The following TRAM2 variants were observed in gnomAD, a reference collection of about 807,000 sequenced individuals.
The protein encoded by TRAM2 is translocating chain-associated membrane protein 2.
TRAM2 carries 12 observed loss-of-function variants against 51.0 expected under a neutral mutation model. That is an observed-to-expected ratio of 0.24 (90% confidence interval 0.15 to 0.38). The LOEUF (loss-of-function observed/expected upper bound fraction) is 0.38, where lower values mean the gene tolerates loss of function less well. TRAM2 is among the 10% of genes least tolerant of loss of function. TRAM2 has a pLI of 1.00. For missense variants in TRAM2, 361 were observed against 462.0 expected (o/e 0.78, Z 2.00); for synonymous variants, 175 against 179.4 (o/e 0.98, Z 0.20).
At position 52,504,629 on chromosome 6, in the gene TRAM2, G is replaced by T; in HGVS notation, c.1001C>A (p.Thr334Lys). The T allele has an allele frequency of 1.2e-6, 2 of 1,614,152 alleles. No homozygotes were observed. Among genetic ancestry groups the T allele is most frequent in the Non-Finnish European group, 1.7e-6 (2 of 1,180,042 alleles). ...GATGAGCCTGGCTGGTAGTCTGGGT[G>T]TGGCTGGGACTCTCCGCTTTGCACT... ...EQSAKRRVPA[T>K]PRLPARLIKR... The change falls in exon 10 of 11, where the codon ACA (threonine) becomes AAA (lysine). Residue 334 changes from threonine to lysine, a missense_variant. Coordinates refer to ENST00000182527, the MANE Select transcript of TRAM2 (RefSeq NM_012288.4).
intron 2 of TRAM2, among the ~76,000 whole-genome samples, chr6:52,529,221 G>A (rs1178057412): frequency 6.6e-6 from 1 of 152,146 alleles, no homozygotes; most frequent in East Asian, 1.9e-4. Flanking sequence ...TTAGGAAGCT[G>A]TATAGCACCA....
At chr6:52,524,056 CAG>C (rs1216765419) in intron 2 of TRAM2, 3 of 152,148 alleles carry the variant, frequency 2.0e-5, no homozygotes, top group Non-Finnish European at 4.4e-5. Context: ...TTAAAAACAT[CAG>C]AGAGAAATGA....
intron 6 of TRAM2, among the ~76,000 whole-genome samples, chr6:52,507,921 C>T (rs1287438531): frequency 6.6e-6 from 1 of 152,038 alleles, no homozygotes; most frequent in Non-Finnish European, 1.5e-5. Flanking sequence ...CAGAAGGAAA[C>T]TATAAAAAGT....
rs1451771619 is a variant in TRAM2 at position 52,498,362 on chromosome 6, C to T, written c.*4835G>A. The T allele has an allele frequency of 1.3e-5, 2 of 152,650 alleles. No individual in the cohort carries two copies. The highest frequency in any genetic ancestry group is 3.9e-4 in the East Asian group (2 of 5,180). 9.5% of individuals were successfully genotyped at this position (152,650 alleles called of 1,614,324 possible). ...TGAATTAGGAGCTCGAACAGTTCTG[C>T]AACAGTCAGACATGTATGTGTTTAT... On this transcript the variant is annotated 3_prime_UTR_variant, in exon 11 of 11. Transcript: ENST00000182527.
intron 1 of TRAM2, among the ~76,000 whole-genome samples, chr6:52,571,427 T>A (rs1767678907): frequency 6.6e-6 from 1 of 152,236 alleles, no homozygotes; most frequent in Non-Finnish European, 1.5e-5. Flanking sequence ...CACTCTGTTG[T>A]GACCGGTCCG....
At chr6:52,528,044 C>A (rs1766815906) in intron 2 of TRAM2, among the ~76,000 whole-genome samples, 1 of 152,168 alleles carries the variant, frequency 6.6e-6, no homozygotes, top group Non-Finnish European at 1.5e-5. Flanking sequence ...GGCTGTTTGG[C>A]TCAACAGGGC....
At chr6:52,570,176 C>T (rs538880193) in intron 1 of TRAM2, among the ~76,000 whole-genome samples, 1 of 152,320 alleles carries the variant, frequency 6.6e-6, no homozygotes, top group Non-Finnish European at 1.5e-5. Context: ...AAAAATATAA[C>T]AGCCAGAGTC....
intron 1 of TRAM2, among the ~76,000 whole-genome samples, chr6:52,552,302 G>A (rs2076638): frequency 0.098 from 14,950 of 152,296 alleles, 1,334 homozygotes; most frequent in East Asian, 0.49. Context: ...TCACTACCCC[G>A]AGGAGGCAAC....
chr6:52,550,517 C>T (rs560080757), intron 1 of TRAM2, among the ~76,000 whole-genome samples: 4 of 152,180 alleles, frequency 2.6e-5, no homozygotes, highest in South Asian at 2.1e-4. Flanking sequence ...ACCTCATCAA[C>T]GTAACTGCTG....
At chr6:52,567,953 T>C (rs1767615325) in intron 1 of TRAM2, among the ~76,000 whole-genome samples, 2 of 152,226 alleles carry the variant, frequency 1.3e-5, no homozygotes, top group South Asian at 2.1e-4. Context: ...GCCTCTCTCC[T>C]TCTCCTCCCA....
In TRAM2 at chr6:52,504,840, G is replaced by C. The variant is rs1766316567; in HGVS notation, c.876-86C>G. The C allele has an allele frequency of 8.4e-6, 11 of 1,308,552 alleles. No individual in the cohort carries two copies. The East Asian group carries it at 2.8e-4, about 33-fold the overall frequency. 81.1% of individuals were successfully genotyped at this position (1,308,552 alleles called of 1,614,324 possible). Reference sequence around the variant, plus strand: ...TGTGCAGGGGAGAACAAGGGCCAGGGGCCCTGCAGTTCCCATGGCTTATCA... The same window carrying C: ...TGTGCAGGGGAGAACAAGGGCCAGGCGCCCTGCAGTTCCCATGGCTTATCA... On this transcript the variant is annotated intron_variant, in intron 9 of 10. Coordinates refer to ENST00000182527, the MANE Select transcript of TRAM2 (RefSeq NM_012288.4).
chr6:52,547,795 T>A (rs1022307369), intron 1 of TRAM2, among the ~76,000 whole-genome samples: 1 of 152,218 alleles, frequency 6.6e-6, no homozygotes, highest in African/African-American at 2.4e-5. Context: ...TCAGCCTTTA[T>A]TGCGTCGGCT....
At chr6:52,556,449 T>C (rs139157187) in intron 1 of TRAM2, among the ~76,000 whole-genome samples, 3,049 of 151,894 alleles carry the variant, frequency 0.02, 36 homozygotes, top group Admixed American at 0.036. Flanking sequence ...CCCAGCTAAT[T>C]TGTTGTATTT....
At chr6:52,548,161 T>G (rs1767243878) in intron 1 of TRAM2, among the ~76,000 whole-genome samples, 1 of 152,252 alleles carries the variant, frequency 6.6e-6, no homozygotes. Flanking sequence ...CAAGGCACAA[T>G]GCTACTGGAG....
intron 1 of TRAM2, among the ~76,000 whole-genome samples, chr6:52,550,481 A>C (rs1295210259): frequency 6.6e-6 from 1 of 152,212 alleles, no homozygotes; most frequent in Non-Finnish European, 1.5e-5. Context: ...AAATAAAAGA[A>C]TACTAACACC....
At chr6:52,505,541 G>T in intron 9 of TRAM2, 58 bp downstream of exon 9, 1 of 1,538,218 alleles carries the variant, frequency 6.5e-7, no homozygotes, top group African/African-American at 1.4e-5. Flanking sequence ...TTCTGCAAGG[G>T]CTGTGCCAAG....
chr6:52,567,224 G>C (rs915346697), intron 1 of TRAM2, among the ~76,000 whole-genome samples: 3 of 152,212 alleles, frequency 2.0e-5, no homozygotes, highest in African/African-American at 4.8e-5. Flanking sequence ...TAAAGGCGTG[G>C]TAAGTGGTCA....
intron 1 of TRAM2, among the ~76,000 whole-genome samples, chr6:52,538,897 G>T (rs546221768): frequency 4.6e-5 from 7 of 152,156 alleles, no homozygotes; most frequent in African/African-American, 1.7e-4. Context: ...CCTTGTTCCT[G>T]GGAGAAATAC....
chr6:52,561,178 C>T (rs1450075705), intron 1 of TRAM2, among the ~76,000 whole-genome samples: 4 of 152,164 alleles, frequency 2.6e-5, no homozygotes, highest in South Asian at 4.1e-4. Flanking sequence ...TGCCCATTTG[C>T]GAGTCCAGAG....
Sources: gnomAD v4.1 joint callset for allele counts (sites outside exome capture counted in the v4.1 genomes callset) on GRCh38, gnomAD v4.1.1 for gene constraint, MANE v1.5 for transcripts, NCBI Gene and HGNC (gene_info 2026-07-23, HGNC 2026-07-21) for gene names.